Variants in PTBP2 observed in about 807,000 individuals in gnomAD.
PTBP2 encodes the protein polypyrimidine tract-binding protein 2.
PTBP2 carries 13 observed loss-of-function variants against 61.4 expected under a neutral mutation model. The observed-to-expected ratio is 0.21, with a 90% CI of 0.14 to 0.34. The LOEUF is 0.34. Among genes scored for constraint, PTBP2 ranks in the 10% least tolerant of loss-of-function variants. The pLI is 1.00. For synonymous variants in PTBP2, 215 were observed against 218.5 expected, an observed-to-expected ratio of 0.98 and a Z score of 0.14; for missense variants, 405 against 642.6, an observed-to-expected ratio of 0.63 and a Z score of 4.00.
Position 96,783,643 on chromosome 1 carries a change from ACTTAT to A in PTBP2, c.709-1412_709-1408del, listed in dbSNP as rs371237189. ...TAGTCACCTAAGAGTGAATTTTGCT[ACTTAT>A]CTTTTGATATTTATCTATTGTGTAG... is the stretch of plus-strand genomic sequence containing the variant. On this transcript the variant is annotated intron_variant, in intron 7 of 13. Coordinates refer to ENST00000674951, the MANE Select transcript of PTBP2 (RefSeq NM_021190.4). 2.8e-3 allele frequency among the ~76,000 whole-genome samples: 426 copies of A among 152,138 alleles called. 1 individual carries two copies. Among genetic ancestry groups the A allele is most frequent in the African/African-American group, 9.2e-3 (382 of 41,542 alleles).
chr1:96,771,047 A>C, intron 5 of PTBP2, 196 bp downstream of exon 5: 1 of 424,056 alleles, frequency 2.4e-6, no homozygotes, highest in Non-Finnish European at 4.1e-6. Flanking sequence ...CCCCTGGTCA[A>C]ATGTTCTTTT....
At chr1:96,770,354 T>C (rs1298774000) in intron 4 of PTBP2, among the ~76,000 whole-genome samples, 1 of 152,118 alleles carries the variant, frequency 6.6e-6, no homozygotes, top group Non-Finnish European at 1.5e-5. Flanking sequence ...TATATAATTA[T>C]ACTGCTTTTA....
chr1:96,751,589 G>A (rs778409896), intron 3 of PTBP2, 89 bp downstream of exon 3: 14 of 967,536 alleles, frequency 1.4e-5, no homozygotes, highest in Admixed American at 7.1e-5. Flanking sequence ...TACCAGGAAA[G>A]CCTTTCTTTT....
intron 8 of PTBP2, among the ~76,000 whole-genome samples, chr1:96,791,204 A>T (rs952541170): frequency 6.6e-6 from 1 of 152,258 alleles, no homozygotes; most frequent in Non-Finnish European, 1.5e-5. Flanking sequence ...ATTGCATTTC[A>T]TACACAGTGA....
At chr1:96,819,048 A>G (rs570621145), downstream of PTBP2, 1 of 152,162 alleles carries the variant, frequency 6.6e-6, no homozygotes, top group South Asian at 2.1e-4. Flanking sequence ...AGTCAAATTT[A>G]GTCTGACAGG....
At chr1:96,770,955 G>A in intron 5 of PTBP2, 104 bp downstream of exon 5, 3 of 926,754 alleles carry the variant, frequency 3.2e-6, no homozygotes, top group Admixed American at 2.7e-5. Context: ...TTCCTTATAG[G>A]CATTTTCTTG....
Position 96,723,473 on chromosome 1 carries a change from AATG to A in PTBP2, c.9-87_9-85del. On this transcript the variant is annotated intron_variant, in intron 1 of 13. Transcript: ENST00000674951. ...TGTGTGAGTGGCTGGAAGATTTATG[AATG>A]ATGGACTATCCTAAAAAGTTTTAGA... 6.7e-6 allele frequency: 7 copies of A among 1,044,344 alleles called. No individual in the cohort carries two copies. The South Asian group carries it at 9.5e-5, about 14-fold the overall frequency. The allele number at this position is 1,044,344 out of a possible 1,614,324, so 64.7% of individuals were successfully genotyped here.
At chr1:96,739,594 C>T (rs1472281740) in intron 2 of PTBP2, among the ~76,000 whole-genome samples, 2 of 146,768 alleles carry the variant, frequency 1.4e-5, no homozygotes, top group African/African-American at 5.0e-5. Flanking sequence ...AGTCTGAATG[C>T]TACAAAATCT....
intron 5 of PTBP2, among the ~76,000 whole-genome samples, chr1:96,775,572 C>T (rs771159758): frequency 2.0e-5 from 3 of 152,116 alleles, no homozygotes; most frequent in Admixed American, 2.0e-4. Flanking sequence ...TTGGAGGAAG[C>T]GTGAGTATGG....
intron 2 of PTBP2, among the ~76,000 whole-genome samples, chr1:96,743,538 T>G (rs1382082993): frequency 6.6e-6 from 1 of 151,984 alleles, no homozygotes; most frequent in Non-Finnish European, 1.5e-5. Context: ...TATTAGGTAT[T>G]GCAAAAGTGG....
At chr1:96,773,751 C>A (rs867674643) in intron 5 of PTBP2, among the ~76,000 whole-genome samples, 1 of 151,314 alleles carries the variant, frequency 6.6e-6, no homozygotes, top group African/African-American at 2.4e-5. Flanking sequence ...CTGAGGTGGG[C>A]GGATCACGAG....
At chr1:96,810,061 C>T (rs892095324) in intron 11 of PTBP2, among the ~76,000 whole-genome samples, 15 of 148,418 alleles carry the variant, frequency 1.0e-4, no homozygotes, top group African/African-American at 3.8e-4. Flanking sequence ...ATTGATAAAG[C>T]TCCAGTTTCC....
intron 8 of PTBP2, among the ~76,000 whole-genome samples, chr1:96,803,754 A>G (rs1473949658): frequency 1.3e-5 from 2 of 152,208 alleles, no homozygotes; most frequent in Non-Finnish European, 2.9e-5. Context: ...AAGAAAGAAG[A>G]AATAAAATGT....
At chr1:96,737,192 T>A (rs1652336073) in intron 2 of PTBP2, among the ~76,000 whole-genome samples, 1 of 151,938 alleles carries the variant, frequency 6.6e-6, no homozygotes, top group African/African-American at 2.4e-5. Context: ...GGTCTCGATC[T>A]CCTGACCTCC....
intron 11 of PTBP2, among the ~76,000 whole-genome samples, chr1:96,807,166 CAT>C (rs1557776846): frequency 6.6e-6 from 1 of 152,092 alleles, no homozygotes; most frequent in Non-Finnish European, 1.5e-5. Context: ...CAAATGCACT[CAT>C]AATAGGAAGA....
chr1:96,729,583 T>C (rs1221735754), intron 2 of PTBP2, among the ~76,000 whole-genome samples: 3 of 152,198 alleles, frequency 2.0e-5, no homozygotes, highest in Non-Finnish European at 2.9e-5. Context: ...GGTTTTAAAC[T>C]ACATATTCAA....
chr1:96,768,032 T>C (rs1419837790), intron 3 of PTBP2, among the ~76,000 whole-genome samples: 1 of 152,104 alleles, frequency 6.6e-6, no homozygotes. Context: ...ATGACTTAAG[T>C]ATAGCTTGAG....
intron 2 of PTBP2, among the ~76,000 whole-genome samples, chr1:96,745,886 G>A (rs571976921): frequency 1.2e-3 from 187 of 152,100 alleles, no homozygotes; most frequent in African/African-American, 4.3e-3. Context: ...CCAACATAGT[G>A]AAACCCCCAT....
chr1:96,784,461 A>G (rs1659011359), intron 7 of PTBP2, among the ~76,000 whole-genome samples: 1 of 152,138 alleles, frequency 6.6e-6, no homozygotes, highest in Admixed American at 6.6e-5. Flanking sequence ...CTTTTCGGGA[A>G]TGACATTGGA....
Sources: allele counts gnomAD v4.1 joint callset (sites outside exome capture counted in the v4.1 genomes callset), GRCh38; gene constraint gnomAD v4.1.1; transcripts MANE v1.5; gene names NCBI Gene and HGNC (gene_info 2026-07-23, HGNC 2026-07-21).